PHF20: variants seen among roughly 807,000 people sequenced by gnomAD.
PHF20 encodes the protein glioma-expressed antigen 2.
A neutral mutation model predicts 113.5 loss-of-function variants in PHF20; 23 were observed. The ratio of observed to expected loss-of-function variants is 0.20; its 90% CI spans 0.15 to 0.29. The LOEUF is 0.29. Among genes scored for constraint, PHF20 ranks in the 10% least tolerant of loss-of-function variants. PHF20 has a pLI of 1.00. For synonymous variants in PHF20, 434 were observed against 457.3 expected, an observed-to-expected ratio of 0.95 and a Z score of 0.65; for missense variants, 943 against 1,219.6, an observed-to-expected ratio of 0.77 and a Z score of 3.38.
intron 9 of PHF20, among the ~76,000 whole-genome samples, chr20:35,888,837 T>C (rs2054788344): frequency 6.6e-6 from 1 of 151,310 alleles, no homozygotes; most frequent in Admixed American, 6.6e-5. Context: ...ACAAGAACCA[T>C]ATTAGTATGC....
At chr20:35,939,145 C>T (rs761300036) in intron 16 of PHF20, 37 bp downstream of exon 16, 18 of 1,511,350 alleles carry the variant, frequency 1.2e-5, no homozygotes, top group African/African-American at 2.8e-5. Flanking sequence ...TCATTCATTG[C>T]GTGAATGCTT....
At chr20:35,784,084 C>T (rs1258748192) in intron 1 of PHF20, among the ~76,000 whole-genome samples, 4 of 148,980 alleles carry the variant, frequency 2.7e-5, no homozygotes, top group Non-Finnish European at 5.9e-5. Flanking sequence ...GACAGTGTAT[C>T]GCTCTGTCCC....
At chr20:35,944,117 C>T (rs1417458875) in intron 17 of PHF20, among the ~76,000 whole-genome samples, 4 of 152,144 alleles carry the variant, frequency 2.6e-5, no homozygotes, top group African/African-American at 9.7e-5. Context: ...AACCACTATG[C>T]TAGTTGGAAG....
intron 7 of PHF20, 81 bp downstream of exon 7, chr20:35,869,632 T>G: frequency 1.3e-6 from 1 of 780,688 alleles, no homozygotes; most frequent in Non-Finnish European, 2.3e-6. Context: ...CTGTCCCCCA[T>G]TCCCTATAGG....
chr20:35,773,528 G>A (rs1284972010), intron 1 of PHF20, among the ~76,000 whole-genome samples: 1 of 152,080 alleles, frequency 6.6e-6, no homozygotes, highest in Non-Finnish European at 1.5e-5. Flanking sequence ...CTCCTCCCAG[G>A]GAAGGATTCC....
chr20:35,791,537 GT>G, intron 1 of PHF20, among the ~76,000 whole-genome samples: 1 of 127,208 alleles, frequency 7.9e-6, no homozygotes, highest in South Asian at 2.5e-4. Flanking sequence ...TTAGAATAGT[GT>G]ATATATATAT....
rs56655276 is a variant in PHF20 at position 35,857,562 on chromosome 20, C to CTTTTTTTTTTTTTTTTTTTT, written c.341-735_341-716dup. Among the ~76,000 whole-genome samples the CTTTTTTTTTTTTTTTTTTTT allele has an allele frequency of 9.0e-5, 9 of 99,676 alleles. 1 individual carries two copies. The highest frequency in any genetic ancestry group is 1.1e-4 in the African/African-American group (3 of 26,874). The allele number at this position is 99,676 out of a possible 152,430, so 65.4% of individuals were successfully genotyped here. ...CAATACCTTTAGCTGAATGATGTTC[C>CTTTTTTTTTTTTTTTTTTTT]TTTTTTTTTTTTTTTTTTTTTTTTG... On this transcript the variant is annotated intron_variant, in intron 4 of 17. Transcript: ENST00000374012.
At chr20:35,860,060 A>AGGCATGTG (rs2054190541) in intron 5 of PHF20, among the ~76,000 whole-genome samples, 1 of 152,082 alleles carries the variant, frequency 6.6e-6, no homozygotes, top group Non-Finnish European at 1.5e-5. Flanking sequence ...CTGGGATTAC[A>AGGCATGTG]GGCATGTGCC....
Position 35,913,337 on chromosome 20 carries a change from A to G in PHF20, c.1650A>G (p.Lys550=), listed in dbSNP as rs1357435526. The part of the protein sequence containing the change: ...KPKKKKKKKK[K]TKPECPCSEE... Reference sequence around the variant, plus strand: ...AGAAGAAAAAGAAAAAGAAAAAGAAAACCAAACCTGGTAATTTTTTTTCCT... The same window carrying G: ...AGAAGAAAAAGAAAAAGAAAAAGAAGACCAAACCTGGTAATTTTTTTTCCT... Residue 550 remains lysine, a synonymous_variant, in exon 11 of 18, where the codon AAA becomes AAG. Transcript: ENST00000374012. The G allele has an allele frequency of 1.3e-6, 2 of 1,595,844 alleles. No individual in the cohort carries two copies. Among genetic ancestry groups the G allele is most frequent in the East Asian group, 4.5e-5 (2 of 44,770 alleles).
chr20:35,859,638 C>A (rs994357692), intron 5 of PHF20, among the ~76,000 whole-genome samples: 2 of 151,830 alleles, frequency 1.3e-5, no homozygotes, highest in African/African-American at 4.8e-5. Flanking sequence ...TCCCCGCCTC[C>A]CCAGTTCAAG....
At chr20:35,836,711 G>A (rs1176307322) in intron 2 of PHF20, among the ~76,000 whole-genome samples, 1 of 151,940 alleles carries the variant, frequency 6.6e-6, no homozygotes, top group East Asian at 1.9e-4. Flanking sequence ...GGGCAAGGTG[G>A]CAGGTGCCTG....
intron 4 of PHF20, chr20:35,850,537 A>G (rs1600824011): frequency 7.9e-6 from 1 of 127,004 alleles, no homozygotes; most frequent in Non-Finnish European, 1.5e-5. Context: ...CATTAATGCC[A>G]TATCTTAATG....
chr20:35,808,461 G>C, intron 2 of PHF20, among the ~76,000 whole-genome samples: 1 of 150,520 alleles, frequency 6.6e-6, no homozygotes. Context: ...CCTATTCCTT[G>C]TTTGCTGGAA....
At chr20:35,805,506 C>T (rs922925487) in intron 2 of PHF20, among the ~76,000 whole-genome samples, 1 of 151,466 alleles carries the variant, frequency 6.6e-6, no homozygotes, top group Non-Finnish European at 1.5e-5. Flanking sequence ...CCTTAGCTTC[C>T]CGGCTAATTT....
At chr20:35,913,941 G>A (rs1238634989) in intron 11 of PHF20, 92 bp from the exon 12 acceptor site, 1 of 1,298,852 alleles carries the variant, frequency 7.7e-7, no homozygotes, top group Admixed American at 1.9e-5. Flanking sequence ...TGTGCTGCTT[G>A]AAAAGGAGGC....
chr20:35,885,467 CTTTTTTTTTTTTTTTT>C (rs577878410), intron 9 of PHF20, among the ~76,000 whole-genome samples: 5,382 of 36,202 alleles, frequency 0.15, 229 homozygotes, highest in African/African-American at 0.3. Flanking sequence ...GGGGAATAAG[CTTTTTTTTTTTTTTTT>C]TTTTTTTTTT....
intron 17 of PHF20, 126 bp from the exon 18 acceptor site, chr20:35,947,359 A>T (rs1171582073): frequency 2.3e-6 from 2 of 871,072 alleles, no homozygotes; most frequent in South Asian, 2.2e-5. Flanking sequence ...TGCCCCATGG[A>T]GGCTGAAATG....
At chr20:35,837,007 A>C (rs2042454088) in intron 2 of PHF20, among the ~76,000 whole-genome samples, 1 of 151,738 alleles carries the variant, frequency 6.6e-6, no homozygotes, top group African/African-American at 2.4e-5. Context: ...CCGTTTCTAC[A>C]AAAAATACCA....
intron 2 of PHF20, among the ~76,000 whole-genome samples, chr20:35,811,162 T>TC (rs2041970589): frequency 6.6e-6 from 1 of 152,016 alleles, no homozygotes; most frequent in Non-Finnish European, 1.5e-5. Flanking sequence ...TTCTCCTGCC[T>TC]CAGCCTCCCG....
Sources: gnomAD v4.1 joint callset for allele counts (sites outside exome capture counted in the v4.1 genomes callset) on GRCh38, gnomAD v4.1.1 for gene constraint, MANE v1.5 for transcripts, NCBI Gene and HGNC (gene_info 2026-07-23, HGNC 2026-07-21) for gene names.